ASTE1: variants seen among roughly 807,000 people sequenced by gnomAD.
ASTE1 encodes the protein single-strand DNA endonuclease ASTE1.
In ASTE1, 49 loss-of-function variants were observed where a neutral mutation model predicts 45.8. The ratio of observed to expected loss-of-function variants is 1.07; its 90% CI spans 0.85 to 1.36. The LOEUF (loss-of-function observed/expected upper bound fraction) is 1.36. Among genes scored for constraint, ASTE1 ranks in the 40% most tolerant of loss-of-function variants. The pLI is 0.00. For missense variants in ASTE1, 709 were observed against 804.0 expected (o/e 0.88, Z 1.43); for synonymous variants, 296 against 303.9 (o/e 0.97, Z 0.27).
At chr3:131,014,986 T>C (rs1187743742) in intron 5 of ASTE1, among the ~76,000 whole-genome samples, 2 of 152,370 alleles carry the variant, frequency 1.3e-5, no homozygotes, top group Admixed American at 6.5e-5. Flanking sequence ...AGAACTGTTT[T>C]GTTTTGCATT....
At position 131,024,102 on chromosome 3, in the gene ASTE1, A is replaced by C. The variant is rs545092498; in HGVS notation, c.1205T>G (p.Phe402Cys). The C allele has an allele frequency of 4.3e-6, 7 of 1,614,098 alleles. No individual in the cohort carries two copies. The highest frequency in any genetic ancestry group is 5.9e-6 in the Non-Finnish European group (7 of 1,180,012). ...TTTATTAATCCTTTCCACTTCACTG[A>C]AAGCTAGAGGCTGAGGAGGCAATGC... Reference protein sequence around the residue: ...WNALPPQPLAFSEVERINKNI... With the variant: ...WNALPPQPLACSEVERINKNI... Residue 402 changes from phenylalanine to cysteine, a missense_variant, in exon 3 of 6, where the codon TTC becomes TGC. By Grantham distance (205) the Phe-to-Cys change is radical. Transcript: ENST00000264992.
chr3:131,022,031 G>T (rs2063748718), intron 3 of ASTE1, among the ~76,000 whole-genome samples: 1 of 152,126 alleles, frequency 6.6e-6, no homozygotes, highest in Non-Finnish European at 1.5e-5. Flanking sequence ...TGTGCTAAAG[G>T]TAGATTGTCA....
At chr3:131,025,372 T>C in intron 2 of ASTE1, 41 bp from the exon 3 acceptor site, 1 of 1,543,600 alleles carries the variant, frequency 6.5e-7, no homozygotes, top group South Asian at 1.3e-5. Flanking sequence ...TGATGCTAGT[T>C]ATGGGGCACC....
Position 131,025,196 on chromosome 3 carries a change from G to C in ASTE1, c.111C>G (p.His37Gln). Residue 37 changes from histidine to glutamine, a missense_variant, in exon 3 of 6, where the codon CAC becomes CAG. His to Gln is a conservative substitution (Grantham distance 24). Coordinates refer to ENST00000264992, the MANE Select transcript of ASTE1 (RefSeq NM_014065.4). ...CCAAGTTTGAACTGAAGCAAAGACG[G>C]TGGAAAAGAGCATAACCATCAATGA... The part of the protein sequence containing the change: ...KIVIDGYALF[H>Q]RLCFSSNLDL... 1 of 1,614,188 alleles carries C rather than the reference G, an allele frequency of 6.2e-7. No homozygotes were observed. The highest frequency in any genetic ancestry group is 8.5e-7 in the Non-Finnish European group (1 of 1,180,038).
rs533605441 is a variant in ASTE1, at chr3:131,017,698, G to A, written c.1513+808C>T. ...ATTTAAGAGATATTACTGGCCGGGC[G>A]CGGTGGCTCATGCTTGTAATCCCAG... On this transcript the variant is annotated intron_variant, in intron 4 of 5. Coordinates refer to ENST00000264992, the MANE Select transcript of ASTE1 (RefSeq NM_014065.4). Among the ~76,000 whole-genome samples the A allele has an allele frequency of 8.5e-5, 13 of 152,162 alleles. No individual in the cohort carries two copies. In the East Asian group the frequency reaches 1.5e-3, roughly 18 times the overall value.
Position 131,018,809 on chromosome 3 carries a change from G to C in ASTE1, c.1303-93C>G. The C allele has an allele frequency of 7.2e-6, 9 of 1,250,638 alleles. No individual in the cohort carries two copies. In the South Asian group the frequency reaches 1.3e-4, roughly 17 times the overall value. The allele number at this position is 1,250,638 out of a possible 1,614,324, so 77.5% of individuals were successfully genotyped here. On this transcript the variant is annotated intron_variant, in intron 3 of 5. Coordinates refer to ENST00000264992, the MANE Select transcript of ASTE1 (RefSeq NM_014065.4). Reference sequence around the variant, plus strand: ...TAGCATGAAGAGATTTAATGCTACTGAAACTTCTGTCAGCTGTTAAACTTA... The same window carrying C: ...TAGCATGAAGAGATTTAATGCTACTCAAACTTCTGTCAGCTGTTAAACTTA...
At chr3:131,021,050 G>A (rs1326524096) in intron 3 of ASTE1, among the ~76,000 whole-genome samples, 1 of 152,152 alleles carries the variant, frequency 6.6e-6, no homozygotes, top group Non-Finnish European at 1.5e-5. Context: ...TCATGACCGT[G>A]GAGTAGGCAG....
rs567411280 is a variant in ASTE1, at chr3:131,024,782, C to T, written c.525G>A (p.Leu175=). The change falls in exon 3 of 6, where the codon TTG becomes TTA. Residue 175 remains leucine, a synonymous_variant. Coordinates refer to ENST00000264992, the MANE Select transcript of ASTE1 (RefSeq NM_014065.4). ...TCATATTTCTCCACTGAAAGCTATT[C>T]AATGGGCAAAACCCAGTTTTCAGGT... ...IFDLKTGFCP[L]NSFQWRNMNT... is the part of the protein sequence containing the mutation. 2 of 1,614,072 alleles carry T rather than the reference C, an allele frequency of 1.2e-6. No homozygotes were observed. Among genetic ancestry groups the T allele is most frequent in the South Asian group, 1.1e-5 (1 of 91,068 alleles).
At chr3:131,023,902 C>A in intron 3 of ASTE1, 103 bp downstream of exon 3, 1 of 1,211,568 alleles carries the variant, frequency 8.3e-7, no homozygotes. Context: ...AGATAGCACT[C>A]AACCTCATCA....
intron 4 of ASTE1, chr3:131,016,906 C>A: frequency 2.1e-6 from 2 of 938,332 alleles, no homozygotes; most frequent in Non-Finnish European, 1.5e-6. Context: ...GTGTTTTTAG[C>A]TGTAAGTTTC....
intron 4 of ASTE1, among the ~76,000 whole-genome samples, chr3:131,017,742 C>T (rs528849133): frequency 5.3e-5 from 8 of 151,766 alleles, no homozygotes; most frequent in Non-Finnish European, 1.0e-4. Context: ...GAGGCTGAGG[C>T]GGGTGGATCA....
intron 3 of ASTE1, among the ~76,000 whole-genome samples, chr3:131,020,836 A>G (rs749660095): frequency 6.6e-5 from 10 of 152,234 alleles, no homozygotes; most frequent in Non-Finnish European, 1.5e-4. Context: ...ATTTCACTCT[A>G]TTTTGAATCC....
rs750432838 is a variant in ASTE1, at chr3:131,025,298, G to C, written c.9C>G (p.Ile3Met). 12 of 1,611,866 alleles carry C rather than the reference G, an allele frequency of 7.4e-6. No individual in the cohort carries two copies. Among genetic ancestry groups the C allele is most frequent in the Non-Finnish European group, 1.0e-5 (12 of 1,178,484 alleles). The change falls in exon 3 of 6, where the codon ATC becomes ATG. Residue 3 changes from isoleucine to methionine, a missense_variant. Physicochemically the swap from Ile to Met is conservative, Grantham distance 10 (BLOSUM62 1). Coordinates refer to ENST00000264992, the MANE Select transcript of ASTE1 (RefSeq NM_014065.4). ...CTTCCACAAAACTCATTAGTCCTCG[G>C]ATACCCATGATGACAGTCTAAAGAA... Reference protein sequence around the residue: MGIRGLMSFVEDH... With the variant: MGMRGLMSFVEDH...
chr3:131,018,630 C>T lies in ASTE1; in HGVS notation c.1389G>A (p.Lys463=), dbSNP rs1426315902. The change falls in exon 4 of 6, where the codon AAG becomes AAA. Residue 463 remains lysine, a synonymous_variant. Coordinates refer to ENST00000264992, the MANE Select transcript of ASTE1 (RefSeq NM_014065.4). ...AGTAGCAACTGACAGCAATGGGCAA[C>T]TTCAGTGAAGTAGGGATTGGCTCCA... The part of the protein sequence containing the change: ...TILEPIPTSL[K]LPIAVSCYWL... 6.2e-7 allele frequency: 1 copy of T among 1,614,076 alleles called. No individual in the cohort carries two copies.
Position 131,024,614 on chromosome 3 carries a change from G to C in ASTE1, c.693C>G (p.Ile231Met), listed in dbSNP as rs144860911. ...LCGNDHVNLP[I>M]METFLSKARL... ...GCGCTTTACTTAAGAATGTCTCCAT[G>C]ATGGGTAGATTAACATGGTCATTTC... Residue 231 changes from isoleucine (I) to methionine (M), a missense_variant, in exon 3 of 6, where the codon ATC becomes ATG. Ile to Met is a conservative substitution (Grantham distance 10). Transcript: ENST00000264992. 2.8e-5 allele frequency: 45 copies of C among 1,608,036 alleles called. No homozygotes were observed. The highest frequency in any genetic ancestry group is 1.1e-4 in the African/African-American group (8 of 74,754).
In ASTE1 at chr3:131,026,823, C is replaced by G. The variant is rs2063920085; in HGVS notation, c.-463G>C. 6.6e-6 allele frequency: 1 copy of G among 152,438 alleles called. No homozygotes were observed. Among genetic ancestry groups the G allele is most frequent in the Non-Finnish European group, 1.5e-5 (1 of 68,234 alleles). The allele number at this position is 152,438 out of a possible 1,614,324, so 9.4% of individuals were successfully genotyped here. On this transcript the variant is annotated 5_prime_UTR_variant, in exon 1 of 6. Transcript: ENST00000264992. ...TACTTGGGTCGGCGAACACTTCCGC[C>G]TTGGTGCCGCCTCGCCCCGACTTCC...
intron 5 of ASTE1, 27 bp from the exon 6 acceptor site, chr3:131,014,414 T>TTAA: frequency 6.5e-7 from 1 of 1,537,464 alleles, no homozygotes; most frequent in East Asian, 2.3e-5. Flanking sequence ...AAAAGTATGT[T>TTAA]GTTAAAGAAG....
chr3:131,014,393 C>T lies in ASTE1; in HGVS notation c.1710-6G>A, dbSNP rs1184925064. 2 of 1,553,294 alleles carry T rather than the reference C, an allele frequency of 1.3e-6. No individual in the cohort carries two copies. Among genetic ancestry groups the T allele is most frequent in the Non-Finnish European group, 8.7e-7 (1 of 1,154,828 alleles). On this transcript the variant is annotated splice_region_variant and splice_polypyrimidine_tract_variant and intron_variant, in intron 5 of 5. Coordinates refer to ENST00000264992, the MANE Select transcript of ASTE1 (RefSeq NM_014065.4). ...CCAGGCTTCCACTGTACAGTCTGTT[C>T]AAAGCAAGAAAAAAGTATGTTGTTA...
rs187507809 is a variant in ASTE1 at position 131,015,802 on chromosome 3, T to C, written c.1709+342A>G. 5.9e-5 allele frequency among the ~76,000 whole-genome samples: 9 copies of C among 152,252 alleles called. No homozygotes were observed. The East Asian group carries it at 1.7e-3, about 29-fold the overall frequency. On this transcript the variant is annotated intron_variant, in intron 5 of 5. Coordinates refer to ENST00000264992, the MANE Select transcript of ASTE1 (RefSeq NM_014065.4). ...CTAGGGTGGGTTATCAGAAAAAGGC[T>C]CTACAAAGTGACATTTAAAGACTGA...
Sources: allele counts gnomAD v4.1 joint callset (sites outside exome capture counted in the v4.1 genomes callset), GRCh38; gene constraint gnomAD v4.1.1; transcripts MANE v1.5; gene names NCBI Gene and HGNC (gene_info 2026-07-23, HGNC 2026-07-21).